The following C3orf49 variants were observed in gnomAD, a reference collection of about 807,000 sequenced individuals.
The protein encoded by C3orf49 is chromosome 3 open reading frame 49.
C3orf49 carries 27 observed loss-of-function variants against 13.3 expected under a neutral mutation model. The ratio of observed to expected loss-of-function variants is 2.02; its 90% CI spans 1.49 to 2.79. C3orf49 has a LOEUF of 2.79. Among genes scored for constraint, C3orf49 ranks in the 30% most tolerant of loss-of-function variants. The pLI, the probability that C3orf49 is intolerant of heterozygous loss-of-function variation, is 0.00. For synonymous variants in C3orf49, 87 were observed against 47.6 expected (o/e 1.83, Z -3.40); for missense variants, 242 against 134.2 (o/e 1.80, Z -3.97).
At chr3:63,816,433 A>G (rs1211140976), upstream of C3orf49, among the ~76,000 whole-genome samples, 1 of 152,066 alleles carries the variant, frequency 6.6e-6, no homozygotes, top group Non-Finnish European at 1.5e-5. Context: ...TCTACTAAAA[A>G]TACAAAAAAT....
At chr3:63,806,975 G>A in the C3orf49 span, among the ~76,000 whole-genome samples, 1 of 150,746 alleles carries the variant, frequency 6.6e-6, no homozygotes, top group African/African-American at 2.4e-5. Context: ...TTTTTTAGAC[G>A]GAGTCTCGCT....
At chr3:63,800,305 A>G in the C3orf49 span, among the ~76,000 whole-genome samples, 1 of 152,146 alleles carries the variant, frequency 6.6e-6, no homozygotes, top group African/African-American at 2.4e-5. Context: ...AATATCTTTC[A>G]GGATATAAAT....
At chr3:63,834,019 C>T in intron 5 of C3orf49, 1 of 936,700 alleles carries the variant, frequency 1.1e-6, no homozygotes. Context: ...TACTTAAAAA[C>T]AGAGTATTTT....
At chr3:63,848,185 T>C (rs1271140292) in intron 6 of C3orf49, among the ~76,000 whole-genome samples, 179 bp from the exon 7 acceptor site, 1 of 152,222 alleles carries the variant, frequency 6.6e-6, no homozygotes, top group Non-Finnish European at 1.5e-5. Context: ...TCCCCTTCCC[T>C]TTCCAGGTCT....
chr3:63,818,075 T>C (rs1232006115), upstream of C3orf49, among the ~76,000 whole-genome samples: 1 of 152,168 alleles, frequency 6.6e-6, no homozygotes, highest in Non-Finnish European at 1.5e-5. Context: ...GCATATTAGA[T>C]ATGCTCTACT....
At chr3:63,825,968 C>T (rs1701460745) in intron 2 of C3orf49, among the ~76,000 whole-genome samples, 2 of 152,106 alleles carry the variant, frequency 1.3e-5, no homozygotes, top group African/African-American at 2.4e-5. Flanking sequence ...ATAAAGATGG[C>T]TTACACAAGG....
At chr3:63,814,457 A>G (rs1575792955), upstream of C3orf49, among the ~76,000 whole-genome samples, 1 of 152,062 alleles carries the variant, frequency 6.6e-6, no homozygotes, top group African/African-American at 2.4e-5. Context: ...GTTTCAATCA[A>G]TTGCTATCTC....
At chr3:63,788,736 A>C in the C3orf49 span, among the ~76,000 whole-genome samples, 2 of 152,004 alleles carry the variant, frequency 1.3e-5, no homozygotes, top group African/African-American at 4.8e-5. Context: ...TTTAAAAAAA[A>C]AAAACAAAAA....
At chr3:63,809,221 T>G in the C3orf49 span, among the ~76,000 whole-genome samples, 3 of 152,192 alleles carry the variant, frequency 2.0e-5, no homozygotes, top group African/African-American at 7.2e-5. Context: ...CTCATTGACT[T>G]TCCTGAAACA....
chr3:63,844,923 AT>A (rs1428484577), intron 5 of C3orf49, 99 bp from the exon 6 acceptor site: 1 of 572,766 alleles, frequency 1.7e-6, no homozygotes, highest in Non-Finnish European at 3.2e-6. Context: ...TGTTGCTATA[AT>A]ACCTGAAAAT....
chr3:63,823,510 T>A lies in C3orf49; in HGVS notation c.386T>A (p.Val129Asp), dbSNP rs1701425640. ...ACGCAGAGCCTTCTCCCTAGGATTG[T>A]CAAGGAGTTTTCATCTCCCAAGTTA... is the stretch of plus-strand genomic sequence containing the variant. ...SNTQSLLPRI[V>D]KEFSSPKLFT... Residue 129 changes from valine to aspartate, a missense_variant, in exon 2 of 7, where the codon GTC becomes GAC. Val to Asp is a radical substitution (Grantham distance 152). Coordinates refer to ENST00000295896, the MANE Select transcript of C3orf49 (RefSeq NM_001355236.2). 1.4e-6 allele frequency: 1 copy of A among 702,448 alleles called. No individual in the cohort carries two copies. Among genetic ancestry groups the A allele is most frequent in the Admixed American group, 2.0e-5 (1 of 49,910 alleles). 43.5% of individuals were successfully genotyped at this position (702,448 alleles called of 1,614,324 possible).
intron 5 of C3orf49, among the ~76,000 whole-genome samples, chr3:63,839,289 AAT>A (rs781200994): frequency 3.3e-5 from 5 of 152,196 alleles, no homozygotes; most frequent in Non-Finnish European, 7.3e-5. Context: ...TAATGGCAGA[AAT>A]CACGATTAAT....
chr3:63,795,664 T>A, the C3orf49 span, among the ~76,000 whole-genome samples: 1 of 152,132 alleles, frequency 6.6e-6, no homozygotes, highest in Admixed American at 6.6e-5. Flanking sequence ...GTGTACAAAC[T>A]GGTAATTCCA....
chr3:63,837,361 A>T (rs1701657023), intron 5 of C3orf49, among the ~76,000 whole-genome samples: 2 of 151,954 alleles, frequency 1.3e-5, no homozygotes, highest in African/African-American at 4.8e-5. Flanking sequence ...ACTTTTCTTC[A>T]ATTTACATTA....
intron 1 of C3orf49, among the ~76,000 whole-genome samples, chr3:63,821,031 T>C (rs2107093748): frequency 6.6e-6 from 1 of 152,310 alleles, no homozygotes; most frequent in Middle Eastern, 3.4e-3. Flanking sequence ...ATAAAAAGTA[T>C]CATTTATGGA....
rs962690828 is a variant in C3orf49 at position 63,819,358 on chromosome 3, C to T, written c.-114C>T. 49 of 599,634 alleles carry T rather than the reference C, an allele frequency of 8.2e-5. No homozygotes were observed. Among genetic ancestry groups the T allele is most frequent in the Non-Finnish European group, 1.2e-4 (40 of 336,050 alleles). The allele number at this position is 599,634 out of a possible 1,614,324, so 37.1% of individuals were successfully genotyped here. ...TAAAAATTTCCTACATATTTTATTC[C>T]GAATAGCCCACACCTTGACAGTACA... On this transcript the variant is annotated 5_prime_UTR_variant, in exon 1 of 7. Coordinates refer to ENST00000295896, the MANE Select transcript of C3orf49 (RefSeq NM_001355236.2).
the C3orf49 span, among the ~76,000 whole-genome samples, chr3:63,788,904 T>C: frequency 6.6e-6 from 1 of 152,200 alleles, no homozygotes; most frequent in African/African-American, 2.4e-5. Context: ...TAACATTTTC[T>C]TGAGGGGTAT....
At chr3:63,847,598 G>A (rs1701925202) in intron 6 of C3orf49, among the ~76,000 whole-genome samples, 1 of 152,182 alleles carries the variant, frequency 6.6e-6, no homozygotes, top group African/African-American at 2.4e-5. Context: ...TTAGCCGGGT[G>A]TGGGGTTGCG....
At chr3:63,788,955 T>A in the C3orf49 span, among the ~76,000 whole-genome samples, 1 of 152,096 alleles carries the variant, frequency 6.6e-6, no homozygotes, top group Non-Finnish European at 1.5e-5. Context: ...TTTTTCCTAA[T>A]AGAAAAATAT....
Sources: gnomAD v4.1 joint callset for allele counts (sites outside exome capture counted in the v4.1 genomes callset) on GRCh38, gnomAD v4.1.1 for gene constraint, MANE v1.5 for transcripts, NCBI Gene and HGNC (gene_info 2026-07-23, HGNC 2026-07-21) for gene names.